Variants in PALLD observed in about 807,000 individuals in gnomAD.
PALLD encodes the protein palladin.
A neutral mutation model predicts 123.5 loss-of-function variants in PALLD; 61 were observed. The ratio of observed to expected loss-of-function variants is 0.49; its 90% confidence interval spans 0.40 to 0.61. The LOEUF (loss-of-function observed/expected upper bound fraction) is 0.61. PALLD is among the 20% of genes least tolerant of loss of function. The pLI, the probability that PALLD is intolerant of heterozygous loss-of-function variation, is 0.00. For missense variants in PALLD, 1,273 were observed against 1,377.0 expected, an observed-to-expected ratio of 0.92 and a Z score of 1.20; for synonymous variants, 465 against 496.4, an observed-to-expected ratio of 0.94 and a Z score of 0.84.
intron 1 of PALLD, among the ~76,000 whole-genome samples, chr4:168,502,265 A>AGCCCT (rs1354433261): frequency 6.6e-6 from 1 of 152,232 alleles, no homozygotes; most frequent in Non-Finnish European, 1.5e-5. Flanking sequence ...GAGTCATCAA[A>AGCCCT]GTTTACAGAA....
intron 2 of PALLD, among the ~76,000 whole-genome samples, chr4:168,604,731 G>A (rs1367012906): frequency 2.0e-5 from 3 of 152,144 alleles, no homozygotes; most frequent in African/African-American, 2.4e-5. Flanking sequence ...GGAAATGCTC[G>A]CTACCTAACA....
rs113405569 is a variant in PALLD at position 168,632,369 on chromosome 4, G to T, written c.909-35821G>T. Among the ~76,000 whole-genome samples, 5 of 152,334 alleles carry T rather than the reference G, an allele frequency of 3.3e-5. 1 individual carries two copies. Among genetic ancestry groups the T allele is most frequent in the African/African-American group, 1.2e-4 (5 of 41,574 alleles). On this transcript the variant is annotated intron_variant, in intron 2 of 21. Transcript: ENST00000505667. ...AAGCAATCAATTTCTGACAGCCTAA[G>T]AGCTGCTCAGTTGCTGAATGAGGTC...
chr4:168,895,822 T>C (rs1022437150), intron 12 of PALLD, among the ~76,000 whole-genome samples: 1 of 152,244 alleles, frequency 6.6e-6, no homozygotes. Context: ...TATTATCTCT[T>C]TATCTTCTTT....
At chr4:168,763,997 A>T (rs1218040353) in intron 10 of PALLD, among the ~76,000 whole-genome samples, 1 of 152,180 alleles carries the variant, frequency 6.6e-6, no homozygotes, top group African/African-American at 2.4e-5. Context: ...TATTCATTTT[A>T]TTCACCTATA....
intron 10 of PALLD, among the ~76,000 whole-genome samples, chr4:168,806,683 T>A (rs1317928974): frequency 6.6e-6 from 1 of 152,228 alleles, no homozygotes; most frequent in African/African-American, 2.4e-5. Flanking sequence ...TATTGTTTGC[T>A]CTTAACTGAG....
chr4:168,744,958 T>C (rs1398620145), intron 10 of PALLD, among the ~76,000 whole-genome samples: 1 of 152,164 alleles, frequency 6.6e-6, no homozygotes, highest in East Asian at 1.9e-4. Flanking sequence ...TATTTTCAAC[T>C]TACGATGAGT....
At chr4:168,736,298 A>T (rs2150328396) in intron 10 of PALLD, among the ~76,000 whole-genome samples, 1 of 152,312 alleles carries the variant, frequency 6.6e-6, no homozygotes, top group African/African-American at 2.4e-5. Flanking sequence ...ACATACACAC[A>T]CACAGTGTGT....
chr4:168,666,059 A>G (rs888610889), intron 2 of PALLD, among the ~76,000 whole-genome samples: 1 of 152,150 alleles, frequency 6.6e-6, no homozygotes, highest in African/African-American at 2.4e-5. Flanking sequence ...ATTTTTTTCA[A>G]ACCCTTAAAA....
intron 10 of PALLD, among the ~76,000 whole-genome samples, chr4:168,733,566 A>G (rs1787385524): frequency 3.5e-5 from 1 of 28,640 alleles, no homozygotes; most frequent in Non-Finnish European, 6.3e-5. Flanking sequence ...GAAATGTTTT[A>G]TTTCTTTTCT....
At chr4:168,508,131 G>C (rs1403093987) in intron 1 of PALLD, among the ~76,000 whole-genome samples, 1 of 152,170 alleles carries the variant, frequency 6.6e-6, no homozygotes, top group African/African-American at 2.4e-5. Flanking sequence ...CAAATGGCTA[G>C]AAGGAAGATG....
At chr4:168,694,256 A>G (rs1349631984) in intron 8 of PALLD, among the ~76,000 whole-genome samples, 1 of 152,174 alleles carries the variant, frequency 6.6e-6, no homozygotes, top group Non-Finnish European at 1.5e-5. Flanking sequence ...AGACGTGACT[A>G]CAATACATCT....
At chr4:168,611,557 C>G (rs1293054464) in intron 2 of PALLD, among the ~76,000 whole-genome samples, 2 of 152,212 alleles carry the variant, frequency 1.3e-5, no homozygotes, top group Non-Finnish European at 2.9e-5. Context: ...ACATATGTAT[C>G]TGAAGACTAT....
At chr4:168,644,115 TCTCA>T (rs1490679312) in intron 2 of PALLD, among the ~76,000 whole-genome samples, 1 of 150,116 alleles carries the variant, frequency 6.7e-6, no homozygotes, top group Non-Finnish European at 1.5e-5. Flanking sequence ...TTTAATGGAA[TCTCA>T]CTCTTGTCAT....
chr4:168,761,665 T>TTTTTG (rs1732941897), intron 10 of PALLD, among the ~76,000 whole-genome samples: 1 of 128,952 alleles, frequency 7.8e-6, no homozygotes, highest in Non-Finnish European at 1.6e-5. Flanking sequence ...TTTTTTTTTT[T>TTTTTG]TTTTTTTTTT....
rs199655149 is a variant in PALLD, at chr4:168,880,437, A to G, written c.1965-10485A>G. On this transcript the variant is annotated intron_variant, in intron 10 of 21. Transcript: ENST00000505667. ...TAGCTCCATGCCTGCTCAGTAAGCC[A>G]TTATTATGTGGTTACCGTTTTGTCC... is the stretch of plus-strand genomic sequence containing the variant. Among the ~76,000 whole-genome samples, 6 of 152,294 alleles carry G rather than the reference A, an allele frequency of 3.9e-5. No homozygotes were observed. The East Asian group carries it at 1.2e-3, about 29-fold the overall frequency.
rs528363189 is a variant in PALLD, at chr4:168,802,694, A to AT, written c.1965-88215dup. 4.4e-3 allele frequency among the ~76,000 whole-genome samples: 647 copies of AT among 146,478 alleles called. 1 individual carries two copies. The highest frequency in any genetic ancestry group is 0.018 in the Middle Eastern group (5 of 282). ...GCTAAAGGCAGACCATCTACATTAC[A>AT]TTTTTTTTTTTTTAAGACGGAGTTT... On this transcript the variant is annotated intron_variant, in intron 10 of 21. Transcript: ENST00000505667.
chr4:168,709,173 T>G, intron 9 of PALLD, 26 bp downstream of exon 9: 1 of 1,612,052 alleles, frequency 6.2e-7, no homozygotes, highest in Non-Finnish European at 8.5e-7. Flanking sequence ...AAAAAATGAC[T>G]GGGTTCTGTT....
At chr4:168,603,901 T>C (rs1263656649) in intron 2 of PALLD, among the ~76,000 whole-genome samples, 2 of 152,242 alleles carry the variant, frequency 1.3e-5, no homozygotes, top group Non-Finnish European at 2.9e-5. Flanking sequence ...TACACAAATG[T>C]GCTTCATCAA....
At chr4:168,697,014 A>G (rs1783194439) in intron 8 of PALLD, among the ~76,000 whole-genome samples, 1 of 152,152 alleles carries the variant, frequency 6.6e-6, no homozygotes, top group Non-Finnish European at 1.5e-5. Flanking sequence ...GTCATCATGA[A>G]ATTCAGAATT....
Sources: gnomAD v4.1 joint callset for allele counts (sites outside exome capture counted in the v4.1 genomes callset) on GRCh38, gnomAD v4.1.1 for gene constraint, MANE v1.5 for transcripts, NCBI Gene and HGNC (gene_info 2026-07-23, HGNC 2026-07-21) for gene names.